FRMD5: variants seen among roughly 807,000 people sequenced by gnomAD.
The protein encoded by FRMD5 is FERM domain-containing protein 5.
In FRMD5, 20 loss-of-function variants were observed where a neutral mutation model predicts 69.0. The ratio of observed to expected loss-of-function variants is 0.29; its 90% CI spans 0.20 to 0.42. The LOEUF is 0.42. Ranked by LOEUF, FRMD5 falls within the 10% of genes least tolerant of loss-of-function variation. The probability of loss-of-function intolerance (pLI) is 1.00; values close to 1 mark genes in which losing one functional copy is unlikely to be tolerated. For synonymous variants in FRMD5, 271 were observed against 260.1 expected, an observed-to-expected ratio of 1.04 and a Z score of -0.40; for missense variants, 595 against 708.6, an observed-to-expected ratio of 0.84 and a Z score of 1.82.
rs922556832 is a variant in FRMD5, at chr15:43,870,770, TTAAA to T, written c.*3111_*3114del. The T allele has an allele frequency of 4.6e-5, 7 of 152,182 alleles. No homozygotes were observed. Among genetic ancestry groups the T allele is most frequent in the African/African-American group, 1.7e-4 (7 of 41,436 alleles). 9.4% of individuals were successfully genotyped at this position (152,182 alleles called of 1,614,324 possible). The stretch of plus-strand genomic sequence containing the variant: ...GAAAGAGCCCACTCTTCCATGATAT[TTAAA>T]TATTTATTTAAGTTTAAAAATAATC... On this transcript the variant is annotated 3_prime_UTR_variant, in exon 14 of 14. Transcript: ENST00000417257.
At chr15:43,905,799 T>C (rs2140408679) in intron 6 of FRMD5, 29 bp downstream of exon 6, 2 of 1,612,466 alleles carry the variant, frequency 1.2e-6, no homozygotes, top group South Asian at 2.2e-5. Flanking sequence ...GAAGCCACAA[T>C]GTTCTGGGCC....
intron 1 of FRMD5, among the ~76,000 whole-genome samples, chr15:43,930,801 G>A (rs1018097642): frequency 2.0e-5 from 3 of 152,224 alleles, no homozygotes; most frequent in African/African-American, 7.2e-5. Flanking sequence ...GTGACACGCA[G>A]GATGTGCACG....
rs533852777 is a variant in FRMD5, at chr15:43,891,178, T to C, written c.728+803A>G. Among the ~76,000 whole-genome samples, 3 of 152,282 alleles carry C rather than the reference T, an allele frequency of 2.0e-5. No individual in the cohort carries two copies. The East Asian group carries it at 5.8e-4, about 29-fold the overall frequency. ...AAAATGTTTTGATGACGCTGACAGA[T>C]GTTTGTATGGGCTGGCCAGCTAAAG... On this transcript the variant is annotated intron_variant, in intron 8 of 13. Coordinates refer to ENST00000417257, the MANE Select transcript of FRMD5 (RefSeq NM_032892.5).
At chr15:43,992,905 A>T (rs1212797939) in intron 1 of FRMD5, among the ~76,000 whole-genome samples, 1 of 152,090 alleles carries the variant, frequency 6.6e-6, no homozygotes, top group African/African-American at 2.4e-5. Context: ...TATTGCTACA[A>T]ACTCACCCCT....
chr15:44,102,153 C>T (rs2076650517), intron 1 of FRMD5, among the ~76,000 whole-genome samples: 1 of 152,214 alleles, frequency 6.6e-6, no homozygotes, highest in Non-Finnish European at 1.5e-5. Flanking sequence ...TGCAGTTGAT[C>T]ATGCACTGGC....
intron 1 of FRMD5, among the ~76,000 whole-genome samples, chr15:44,155,369 T>A (rs535657277): frequency 1.8e-4 from 27 of 149,058 alleles, no homozygotes; most frequent in African/African-American, 6.4e-4. Flanking sequence ...GAGGCAGAGG[T>A]TGCAGTGGGC....
At chr15:44,030,513 T>C (rs1292419825) in intron 1 of FRMD5, among the ~76,000 whole-genome samples, 4 of 152,208 alleles carry the variant, frequency 2.6e-5, no homozygotes, top group African/African-American at 9.6e-5. Flanking sequence ...CGAACAGGGA[T>C]TGACTCAGTG....
intron 1 of FRMD5, among the ~76,000 whole-genome samples, chr15:44,062,171 G>A (rs1362402809): frequency 2.0e-5 from 3 of 151,980 alleles, no homozygotes; most frequent in African/African-American, 7.3e-5. Context: ...TTCTTGTGTG[G>A]TGATGCCTTT....
At chr15:44,039,343 C>G (rs1243078255) in intron 1 of FRMD5, among the ~76,000 whole-genome samples, 1 of 152,250 alleles carries the variant, frequency 6.6e-6, no homozygotes, top group South Asian at 2.1e-4. Context: ...GCTGCCTCCT[C>G]AAGTGGGTCC....
At chr15:43,880,749 T>A (rs1349403678) in intron 13 of FRMD5, among the ~76,000 whole-genome samples, 1 of 152,324 alleles carries the variant, frequency 6.6e-6, no homozygotes, top group African/African-American at 2.4e-5. Flanking sequence ...AGCTGTAACC[T>A]ACCAAGTGTG....
At chr15:43,923,583 T>C (rs993644232) in intron 2 of FRMD5, among the ~76,000 whole-genome samples, 3 of 152,200 alleles carry the variant, frequency 2.0e-5, no homozygotes, top group African/African-American at 4.8e-5. Flanking sequence ...GGCAAAAGTA[T>C]TACTGTCTGG....
At chr15:43,986,439 G>A (rs1325918364) in intron 1 of FRMD5, among the ~76,000 whole-genome samples, 1 of 152,210 alleles carries the variant, frequency 6.6e-6, no homozygotes, top group South Asian at 2.1e-4. Flanking sequence ...ATGCACCAGA[G>A]GAACTTAGTG....
At chr15:44,122,335 G>A (rs1378077656) in intron 1 of FRMD5, among the ~76,000 whole-genome samples, 1 of 151,470 alleles carries the variant, frequency 6.6e-6, no homozygotes, top group East Asian at 2.0e-4. Context: ...GGCCAAGGCA[G>A]GCAGATCACT....
intron 1 of FRMD5, among the ~76,000 whole-genome samples, chr15:43,953,226 G>A (rs2090064274): frequency 6.6e-6 from 1 of 152,246 alleles, no homozygotes; most frequent in Admixed American, 6.5e-5. Context: ...CTGCTAAAGA[G>A]TTCTCAGGGC....
intron 1 of FRMD5, among the ~76,000 whole-genome samples, chr15:44,133,295 G>A (rs1402375454): frequency 6.6e-6 from 1 of 151,680 alleles, no homozygotes; most frequent in East Asian, 2.0e-4. Flanking sequence ...AAACTGAAAA[G>A]GCCGGGCACG....
At chr15:43,908,847 C>T (rs987355925) in intron 5 of FRMD5, among the ~76,000 whole-genome samples, 1 of 152,136 alleles carries the variant, frequency 6.6e-6, no homozygotes, top group African/African-American at 2.4e-5. Flanking sequence ...CAACTTTGAG[C>T]ACACTGAACT....
intron 1 of FRMD5, among the ~76,000 whole-genome samples, chr15:44,102,063 C>A (rs2140531559): frequency 6.6e-6 from 1 of 152,352 alleles, no homozygotes; most frequent in African/African-American, 2.4e-5. Flanking sequence ...CCACTTGGCA[C>A]CATTATCCAT....
intron 1 of FRMD5, among the ~76,000 whole-genome samples, chr15:44,162,586 G>A (rs912847596): frequency 4.6e-5 from 7 of 152,044 alleles, no homozygotes; most frequent in African/African-American, 1.7e-4. Context: ...CTCCCATGTC[G>A]GCCGGGCGCG....
intron 1 of FRMD5, among the ~76,000 whole-genome samples, chr15:44,024,477 T>C (rs28566895): frequency 2.0e-5 from 3 of 152,220 alleles, no homozygotes; most frequent in Non-Finnish European, 2.9e-5. Context: ...GGCATTTTAA[T>C]TTTTGCCAAC....
Sources: gnomAD v4.1 joint callset for allele counts (sites outside exome capture counted in the v4.1 genomes callset) on GRCh38, gnomAD v4.1.1 for gene constraint, MANE v1.5 for transcripts, NCBI Gene and HGNC (gene_info 2026-07-23, HGNC 2026-07-21) for gene names.